Variants in CNTNAP2 observed in about 807,000 individuals in gnomAD.
The protein encoded by CNTNAP2 is contactin-associated protein-like 2.
CNTNAP2 carries 98 observed loss-of-function variants against 155.2 expected under a neutral mutation model. That is an observed-to-expected ratio of 0.63 (90% confidence interval 0.54 to 0.75). The LOEUF (loss-of-function observed/expected upper bound fraction) is 0.75. Among genes scored for constraint, CNTNAP2 ranks in the 30% least tolerant of loss-of-function variants. The pLI, the probability that CNTNAP2 is intolerant of heterozygous loss-of-function variation, is 0.00. For synonymous variants in CNTNAP2, 651 were observed against 631.2 expected (o/e 1.03, Z -0.47); for missense variants, 1,727 against 1,688.1 (o/e 1.02, Z -0.40).
intron 11 of CNTNAP2, among the ~76,000 whole-genome samples, chr7:147,559,703 T>C (rs187152594): frequency 9.8e-5 from 15 of 152,306 alleles, no homozygotes; most frequent in African/African-American, 3.1e-4. Context: ...CCTGACATCC[T>C]GGTTTCTCTT....
At chr7:147,434,790 C>T (rs957850162) in intron 10 of CNTNAP2, among the ~76,000 whole-genome samples, 4 of 152,312 alleles carry the variant, frequency 2.6e-5, no homozygotes, top group African/African-American at 7.2e-5. Context: ...TAAGTAAGTT[C>T]GCCATGGTCT....
chr7:147,358,593 G>T (rs1423894585), intron 9 of CNTNAP2, among the ~76,000 whole-genome samples: 2 of 151,624 alleles, frequency 1.3e-5, no homozygotes, highest in Admixed American at 6.6e-5. Flanking sequence ...TAATGTAAAG[G>T]GTAGATGATG....
chr7:147,054,668 G>A (rs192933934), intron 4 of CNTNAP2, among the ~76,000 whole-genome samples: 4 of 152,112 alleles, frequency 2.6e-5, no homozygotes, highest in Admixed American at 2.6e-4. Flanking sequence ...AGGGAGAGAA[G>A]AGCAAATATT....
intron 19 of CNTNAP2, among the ~76,000 whole-genome samples, chr7:148,228,650 C>T (rs1795901665): frequency 6.6e-6 from 1 of 151,702 alleles, no homozygotes; most frequent in African/African-American, 2.4e-5. Flanking sequence ...GGTGAAACCC[C>T]GTCTCTACTA....
intron 3 of CNTNAP2, among the ~76,000 whole-genome samples, chr7:146,888,818 G>A (rs370065497): frequency 6.6e-6 from 1 of 152,090 alleles, no homozygotes; most frequent in Non-Finnish European, 1.5e-5. Flanking sequence ...GAGAGTAGAA[G>A]AGTGGTTGCC....
intron 1 of CNTNAP2, among the ~76,000 whole-genome samples, chr7:146,191,238 G>C (rs1285582955): frequency 6.6e-6 from 1 of 152,014 alleles, no homozygotes; most frequent in Non-Finnish European, 1.5e-5. Context: ...TGTCCAGGGG[G>C]GACATCATAT....
At chr7:147,503,206 G>A (rs1798850048) in intron 11 of CNTNAP2, among the ~76,000 whole-genome samples, 1 of 152,006 alleles carries the variant, frequency 6.6e-6, no homozygotes, top group Non-Finnish European at 1.5e-5. Flanking sequence ...GTAATTTTTG[G>A]CATACCTTGA....
At chr7:146,516,722 T>C (rs1797547240) in intron 1 of CNTNAP2, among the ~76,000 whole-genome samples, 1 of 152,010 alleles carries the variant, frequency 6.6e-6, no homozygotes, top group South Asian at 2.1e-4. Context: ...GGGTAGATTA[T>C]GAACATGTAG....
In CNTNAP2 at chr7:148,384,807, C is replaced by T. The variant is rs144170411; in HGVS notation, c.3715+919C>T. The stretch of plus-strand genomic sequence containing the variant: ...GATTAACCTTAGGCAGTTTTCATAA[C>T]CTCATTCCTCAGTTTCCCCACTTCC... On this transcript the variant is annotated intron_variant, in intron 22 of 23. Transcript: ENST00000361727. 8.9e-3 allele frequency among the ~76,000 whole-genome samples: 1,360 copies of T among 152,324 alleles called. 15 individuals carry two copies. Among genetic ancestry groups the T allele is most frequent in the Middle Eastern group, 0.027 (8 of 294 alleles).
In CNTNAP2 at chr7:146,856,388, T is replaced by G. The variant is rs533544349; in HGVS notation, c.402+16484T>G. ...AAAATGAGGCAGAAGAGAGGCCTCT[T>G]GCTTATAGTAGAATACGAACTTCTG... On this transcript the variant is annotated intron_variant, in intron 3 of 23. Coordinates refer to ENST00000361727, the MANE Select transcript of CNTNAP2 (RefSeq NM_014141.6). Among the ~76,000 whole-genome samples the G allele has an allele frequency of 7.2e-5, 11 of 152,216 alleles. No individual in the cohort carries two copies. The South Asian group carries it at 1.2e-3, about 17-fold the overall frequency.
intron 1 of CNTNAP2, among the ~76,000 whole-genome samples, chr7:146,187,024 G>A (rs1798633919): frequency 6.6e-6 from 1 of 152,116 alleles, no homozygotes; most frequent in Non-Finnish European, 1.5e-5. Context: ...AACACTCATT[G>A]CAGTGTAATT....
At chr7:147,260,762 A>G (rs1369241412) in intron 8 of CNTNAP2, among the ~76,000 whole-genome samples, 7 of 152,188 alleles carry the variant, frequency 4.6e-5, no homozygotes, top group Non-Finnish European at 7.3e-5. Context: ...AGGTGTAACC[A>G]ATGGACTCAC....
At chr7:146,772,830 G>A (rs1400862421) in intron 1 of CNTNAP2, among the ~76,000 whole-genome samples, 2 of 152,234 alleles carry the variant, frequency 1.3e-5, no homozygotes, top group African/African-American at 2.4e-5. Context: ...AGTAGGCCAA[G>A]TTGAGAGCAG....
intron 13 of CNTNAP2, among the ~76,000 whole-genome samples, chr7:147,657,499 T>C (rs957937815): frequency 6.6e-6 from 1 of 152,204 alleles, no homozygotes; most frequent in Admixed American, 6.5e-5. Context: ...TAACCAATAT[T>C]TTTAAGAACT....
chr7:146,600,962 T>A (rs1798941524), intron 1 of CNTNAP2, among the ~76,000 whole-genome samples: 1 of 152,172 alleles, frequency 6.6e-6, no homozygotes, highest in Non-Finnish European at 1.5e-5. Flanking sequence ...ATGAACTCCC[T>A]CTTGGGATGC....
chr7:147,579,663 A>C (rs1307756494), intron 12 of CNTNAP2, among the ~76,000 whole-genome samples: 1 of 152,168 alleles, frequency 6.6e-6, no homozygotes, highest in African/African-American at 2.4e-5. Flanking sequence ...TTATTTAATA[A>C]ATATGTTTTT....
At chr7:147,874,503 T>C (rs1466491125) in intron 13 of CNTNAP2, among the ~76,000 whole-genome samples, 1 of 151,282 alleles carries the variant, frequency 6.6e-6, no homozygotes, top group Non-Finnish European at 1.5e-5. Context: ...TGGAGCAGCT[T>C]GGACACAGAG....
Position 148,269,812 on chromosome 7 carries a change from G to A in CNTNAP2, c.3475+2686G>A, listed in dbSNP as rs534072604. On this transcript the variant is annotated intron_variant, in intron 21 of 23. Coordinates refer to ENST00000361727, the MANE Select transcript of CNTNAP2 (RefSeq NM_014141.6). Reference sequence around the variant, plus strand: ...GGATCTGAGACTTTGGTGAGTACCCGCTTTCTACCAGAGGTACTCCCACGG... The same window carrying A: ...GGATCTGAGACTTTGGTGAGTACCCACTTTCTACCAGAGGTACTCCCACGG... 2.1e-3 allele frequency among the ~76,000 whole-genome samples: 317 copies of A among 152,230 alleles called. 2 individuals are homozygous for A. The highest frequency in any genetic ancestry group is 6.9e-3 in the African/African-American group (287 of 41,524).
In CNTNAP2 at chr7:146,397,562, G is replaced by A. The variant is rs1248258707; in HGVS notation, c.97+280589G>A. On this transcript the variant is annotated intron_variant, in intron 1 of 23. Transcript: ENST00000361727. ...AGTTACCATGGAAGATGATGAGGAAGGAGTTTTTATGACTGACCTGTGGAG... is the reference window on the plus strand; with the variant it reads ...AGTTACCATGGAAGATGATGAGGAAAGAGTTTTTATGACTGACCTGTGGAG... Among the ~76,000 whole-genome samples the A allele has an allele frequency of 2.6e-5, 4 of 152,308 alleles. No homozygotes were observed. The East Asian group carries it at 5.8e-4, about 22-fold the overall frequency.
Sources: allele counts gnomAD v4.1 joint callset (sites outside exome capture counted in the v4.1 genomes callset), GRCh38; gene constraint gnomAD v4.1.1; transcripts MANE v1.5; gene names NCBI Gene and HGNC (gene_info 2026-07-23, HGNC 2026-07-21).